AAK1: variants seen among roughly 807,000 people sequenced by gnomAD.
AAK1 encodes the protein AP2 associated kinase 1, also known as AP2-associated protein kinase 1.
A neutral mutation model predicts 116.0 loss-of-function variants in AAK1; 37 were observed. The observed-to-expected ratio is 0.32, with a 90% CI of 0.25 to 0.42. AAK1 has a LOEUF of 0.42. Ranked by LOEUF, AAK1 falls within the 10% of genes least tolerant of loss-of-function variation. AAK1 has a pLI of 1.00. For missense variants in AAK1, 919 were observed against 1,170.6 expected (o/e 0.79, Z 3.14); for synonymous variants, 458 against 439.9 (o/e 1.04, Z -0.51).
chr2:69,509,591 G>A, intron 13 of AAK1, 131 bp from the exon 14 acceptor site: 1 of 743,430 alleles, frequency 1.3e-6, no homozygotes, highest in South Asian at 1.9e-5. Flanking sequence ...ACATGGCTAA[G>A]TTTATCAATA....
In AAK1 at chr2:69,471,183, T is replaced by C; in HGVS notation, c.*4686A>G. 1.0e-6 allele frequency: 1 copy of C among 985,490 alleles called. No homozygotes were observed. The highest frequency in any genetic ancestry group is 1.1e-4 in the East Asian group (1 of 8,820). 61.0% of individuals were successfully genotyped at this position (985,490 alleles called of 1,614,324 possible). ...CAGGAAAAGAGTAAATTCAGGTCACTACATCAAAGTGTGAACCAAGAACGT... is the reference window on the plus strand; with the variant it reads ...CAGGAAAAGAGTAAATTCAGGTCACCACATCAAAGTGTGAACCAAGAACGT... On this transcript the variant is annotated 3_prime_UTR_variant, in exon 22 of 22. Transcript: ENST00000409085.
chr2:69,498,412 G>C (rs1675838028), intron 16 of AAK1, among the ~76,000 whole-genome samples: 1 of 151,902 alleles, frequency 6.6e-6, no homozygotes, highest in Non-Finnish European at 1.5e-5. Context: ...AGGATGCTCT[G>C]GGGTCTACTG....
intron 2 of AAK1, among the ~76,000 whole-genome samples, chr2:69,582,454 C>T (rs568568261): frequency 2.0e-4 from 31 of 152,158 alleles, no homozygotes; most frequent in African/African-American, 7.2e-4. Context: ...TTAAATAAAC[C>T]CTACCAGTGG....
At chr2:69,559,444 G>A (rs887312573) in intron 2 of AAK1, among the ~76,000 whole-genome samples, 2 of 151,980 alleles carry the variant, frequency 1.3e-5, no homozygotes, top group Non-Finnish European at 2.9e-5. Context: ...TTAAATCCAT[G>A]ATGTTCTCTT....
chr2:69,536,959 A>G (rs925380915), intron 5 of AAK1, among the ~76,000 whole-genome samples: 25 of 152,358 alleles, frequency 1.6e-4, no homozygotes, highest in Non-Finnish European at 3.2e-4. Flanking sequence ...TTTGACATGA[A>G]TGTGCATGTT....
chr2:69,616,545 C>T (rs920314260), intron 2 of AAK1, among the ~76,000 whole-genome samples: 2 of 152,114 alleles, frequency 1.3e-5, no homozygotes, highest in African/African-American at 2.4e-5. Context: ...TCAACCTGGA[C>T]GCTCATGACT....
At chr2:69,477,103 G>A in intron 20 of AAK1, 113 bp from the exon 21 acceptor site, 1 of 594,146 alleles carries the variant, frequency 1.7e-6, no homozygotes, top group South Asian at 2.9e-5. Context: ...TATTTTCAAA[G>A]GTGAAAGGAT....
intron 2 of AAK1, among the ~76,000 whole-genome samples, chr2:69,637,462 T>C (rs1337316856): frequency 1.3e-5 from 2 of 152,220 alleles, no homozygotes; most frequent in Non-Finnish European, 2.9e-5. Flanking sequence ...GTGAATGAAC[T>C]GACAAACCTT....
chr2:69,507,707 A>ATT (rs5831976), intron 14 of AAK1, 129 bp from the exon 15 acceptor site: 862 of 662,512 alleles, frequency 1.3e-3, no homozygotes, highest in Non-Finnish European at 1.4e-3. Context: ...CCACCACAGT[A>ATT]TTTTTTTTTT....
chr2:69,504,208 C>T (rs1676087384), intron 16 of AAK1, among the ~76,000 whole-genome samples: 1 of 150,820 alleles, frequency 6.6e-6, no homozygotes, highest in Non-Finnish European at 1.5e-5. Flanking sequence ...ACTAGCATGG[C>T]CAACATGGTG....
chr2:69,597,934 G>A (rs556846191), intron 2 of AAK1: 5 of 258,878 alleles, frequency 1.9e-5, no homozygotes, highest in Admixed American at 1.1e-4. Flanking sequence ...CCTCAAATAT[G>A]AAAGCCAGAC....
At chr2:69,568,636 G>A (rs1671975347) in intron 2 of AAK1, among the ~76,000 whole-genome samples, 1 of 151,814 alleles carries the variant, frequency 6.6e-6, no homozygotes, top group South Asian at 2.1e-4. Context: ...CTGCTATGTT[G>A]CCCAGGCTTG....
chr2:69,628,532 C>G (rs77426809), intron 2 of AAK1, among the ~76,000 whole-genome samples: 10 of 152,260 alleles, frequency 6.6e-5, no homozygotes, highest in African/African-American at 2.4e-4. Context: ...CTATCTCATA[C>G]AGTTGTTCAT....
intron 16 of AAK1, among the ~76,000 whole-genome samples, chr2:69,496,580 A>G (rs1305039874): frequency 6.6e-6 from 1 of 152,106 alleles, no homozygotes; most frequent in African/African-American, 2.4e-5. Context: ...GGTCCTTGCA[A>G]CATATTATGA....
intron 21 of AAK1, among the ~76,000 whole-genome samples, chr2:69,476,251 C>CT (rs1468534770): frequency 6.6e-6 from 1 of 152,074 alleles, no homozygotes; most frequent in Non-Finnish European, 1.5e-5. Flanking sequence ...CAAATCAATA[C>CT]TTTTTTTGGT....
At chr2:69,513,798 C>T (rs1187810045) in intron 13 of AAK1, among the ~76,000 whole-genome samples, 3 of 152,194 alleles carry the variant, frequency 2.0e-5, no homozygotes. Flanking sequence ...ATCCACTTAT[C>T]ACAGGCCAAA....
chr2:69,620,962 T>C (rs543750609), intron 2 of AAK1, among the ~76,000 whole-genome samples: 1 of 152,370 alleles, frequency 6.6e-6, no homozygotes. Flanking sequence ...TAGCCAACTT[T>C]AATGAAATAA....
chr2:69,495,372 G>A (rs1675696612), intron 17 of AAK1, among the ~76,000 whole-genome samples: 1 of 152,146 alleles, frequency 6.6e-6, no homozygotes, highest in Admixed American at 6.5e-5. Context: ...TGGACTACAA[G>A]AGATATTCAA....
intron 3 of AAK1, among the ~76,000 whole-genome samples, chr2:69,544,872 G>A (rs1670861250): frequency 6.6e-6 from 1 of 152,122 alleles, no homozygotes; most frequent in African/African-American, 2.4e-5. Context: ...AACACTGCAG[G>A]GGGTAAAGAG....
Sources: gnomAD v4.1 joint callset for allele counts (sites outside exome capture counted in the v4.1 genomes callset) on GRCh38, gnomAD v4.1.1 for gene constraint, MANE v1.5 for transcripts, NCBI Gene and HGNC (gene_info 2026-07-23, HGNC 2026-07-21) for gene names.